TMTC1: variants seen among roughly 807,000 people sequenced by gnomAD.
The protein encoded by TMTC1 is transmembrane O-mannosyltransferase targeting cadherins 1, also known as protein O-mannosyl-transferase TMTC1.
In TMTC1, 73 loss-of-function variants were observed where a neutral mutation model predicts 104.8. The observed-to-expected ratio is 0.70, with a 90% confidence interval of 0.58 to 0.85. TMTC1 has a LOEUF of 0.85. Ranked by LOEUF, TMTC1 falls within the 40% of genes least tolerant of loss-of-function variation. The pLI is 0.00. For missense variants in TMTC1, 1,035 were observed against 1,096.1 expected, an observed-to-expected ratio of 0.94 and a Z score of 0.79; for synonymous variants, 434 against 428.7, an observed-to-expected ratio of 1.01 and a Z score of -0.15.
chr12:29,581,742 G>A (rs1295396172), intron 8 of TMTC1, among the ~76,000 whole-genome samples: 6 of 152,194 alleles, frequency 3.9e-5, no homozygotes, highest in South Asian at 2.1e-4. Flanking sequence ...AAAGATGCTC[G>A]TAAAAGCTCT....
chr12:29,630,610 T>C (rs1020812498), intron 6 of TMTC1, among the ~76,000 whole-genome samples: 2 of 152,236 alleles, frequency 1.3e-5, no homozygotes, highest in African/African-American at 4.8e-5. Flanking sequence ...CATTGTTTTA[T>C]GTATTCGTAG....
intron 7 of TMTC1, among the ~76,000 whole-genome samples, chr12:29,590,816 CTA>C (rs1409039675): frequency 6.6e-6 from 1 of 152,006 alleles, no homozygotes; most frequent in Non-Finnish European, 1.5e-5. Context: ...CAAAAACAAA[CTA>C]AACAAAACCC....
At chr12:29,529,796 T>C (rs1944449610) in intron 11 of TMTC1, 1 of 152,196 alleles carries the variant, frequency 6.6e-6, no homozygotes, top group Non-Finnish European at 1.5e-5. Context: ...AATGAATCAA[T>C]TAATCTGGCA....
intron 10 of TMTC1, among the ~76,000 whole-genome samples, chr12:29,551,650 T>C (rs1945107810): frequency 1.3e-5 from 2 of 152,180 alleles, no homozygotes; most frequent in Admixed American, 1.3e-4. Flanking sequence ...CCAACAGCTA[T>C]TTTAACAGAG....
intron 11 of TMTC1, among the ~76,000 whole-genome samples, chr12:29,529,086 G>A (rs538425769): frequency 1.3e-5 from 2 of 152,178 alleles, no homozygotes; most frequent in African/African-American, 2.4e-5. Flanking sequence ...ACATTTAGTC[G>A]GCAAAGGAGA....
chr12:29,553,218 G>A (rs757385322), intron 10 of TMTC1, among the ~76,000 whole-genome samples: 2 of 152,208 alleles, frequency 1.3e-5, no homozygotes, highest in Non-Finnish European at 2.9e-5. Flanking sequence ...ATTCAATCCT[G>A]GCTCTGCCAT....
chr12:29,573,107 G>T (rs1193839626), intron 8 of TMTC1, among the ~76,000 whole-genome samples: 1 of 152,064 alleles, frequency 6.6e-6, no homozygotes, highest in African/African-American at 2.4e-5. Context: ...CCTTGGTATT[G>T]CACAGTACTC....
intron 5 of TMTC1, among the ~76,000 whole-genome samples, chr12:29,700,034 A>T (rs989791084): frequency 1.3e-5 from 2 of 151,860 alleles, no homozygotes; most frequent in African/African-American, 2.4e-5. Context: ...TTTAATTTTT[A>T]AAATTTTACA....
At chr12:29,555,701 C>T (rs1380944310) in intron 10 of TMTC1, among the ~76,000 whole-genome samples, 1 of 152,132 alleles carries the variant, frequency 6.6e-6, no homozygotes, top group Non-Finnish European at 1.5e-5. Flanking sequence ...ATATGTGCCA[C>T]ATTTTCTTTA....
chr12:29,743,973 G>T (rs1592000768), intron 5 of TMTC1, among the ~76,000 whole-genome samples: 1 of 152,164 alleles, frequency 6.6e-6, no homozygotes, highest in Admixed American at 6.6e-5. Context: ...CAGGCCAGGG[G>T]TTGAGTATTC....
chr12:29,599,913 T>TAC (rs145628549), intron 7 of TMTC1, among the ~76,000 whole-genome samples: 4,226 of 143,212 alleles, frequency 0.03, 372 homozygotes, highest in African/African-American at 0.12. Context: ...TGTGTATATA[T>TAC]ATGTGTATAT....
At chr12:29,589,148 C>T (rs1946216450) in intron 7 of TMTC1, among the ~76,000 whole-genome samples, 1 of 152,126 alleles carries the variant, frequency 6.6e-6, no homozygotes, top group African/African-American at 2.4e-5. Flanking sequence ...TTGACTATTC[C>T]CCTATCTGCT....
chr12:29,664,328 T>C lies in TMTC1; in HGVS notation c.939-30992A>G, dbSNP rs1271310846. On this transcript the variant is annotated intron_variant, in intron 5 of 17. Transcript: ENST00000539277. ...AAAAAGATGACCTCTTCAAGATTTC[T>C]ATTTCTAGTTGTTGACCAATAGTAA... 2.0e-5 allele frequency among the ~76,000 whole-genome samples: 3 copies of C among 152,192 alleles called. No individual in the cohort carries two copies. The East Asian group carries it at 5.8e-4, about 29-fold the overall frequency.
chr12:29,523,436 G>A (rs2136166767), intron 11 of TMTC1, among the ~76,000 whole-genome samples: 1 of 152,318 alleles, frequency 6.6e-6, no homozygotes. Context: ...TGTCTTGATT[G>A]GCTGATTGGT....
chr12:29,581,908 T>C (rs1171668287), intron 8 of TMTC1, among the ~76,000 whole-genome samples: 1 of 152,004 alleles, frequency 6.6e-6, no homozygotes, highest in African/African-American at 2.4e-5. Context: ...AGAATCGTGT[T>C]TAATAGAAAG....
chr12:29,549,053 A>T, intron 10 of TMTC1, among the ~76,000 whole-genome samples: 1 of 146,242 alleles, frequency 6.8e-6, no homozygotes. Context: ...TATATAAATA[A>T]ATATATATTT....
intron 1 of TMTC1, among the ~76,000 whole-genome samples, chr12:29,780,077 A>G (rs1208773723): frequency 2.0e-5 from 3 of 152,242 alleles, no homozygotes; most frequent in Non-Finnish European, 4.4e-5. Context: ...ACATCTGGAA[A>G]ACAGTATGGC....
At chr12:29,644,970 C>T (rs1195351211) in intron 5 of TMTC1, among the ~76,000 whole-genome samples, 2 of 152,146 alleles carry the variant, frequency 1.3e-5, no homozygotes, top group Non-Finnish European at 2.9e-5. Flanking sequence ...GTGGGTGTCC[C>T]ATTGCACTGG....
chr12:29,695,826 T>C (rs74078965), intron 5 of TMTC1, among the ~76,000 whole-genome samples: 1 of 96,622 alleles, frequency 1.0e-5, no homozygotes, highest in Non-Finnish European at 2.2e-5. Flanking sequence ...TATATATATA[T>C]ATAACCTGTC....
Sources: gnomAD v4.1 joint callset for allele counts (sites outside exome capture counted in the v4.1 genomes callset) on GRCh38, gnomAD v4.1.1 for gene constraint, MANE v1.5 for transcripts, NCBI Gene and HGNC (gene_info 2026-07-23, HGNC 2026-07-21) for gene names.